Variants in COL27A1 observed in about 807,000 individuals in gnomAD.
COL27A1 encodes the protein collagen alpha-1(XXVII) chain.
In COL27A1, 106 loss-of-function variants were observed where a neutral mutation model predicts 251.3. That is an observed-to-expected ratio of 0.42 (90% CI 0.36 to 0.50). COL27A1 has a LOEUF of 0.50. COL27A1 is among the 20% of genes least tolerant of loss of function. The pLI is 0.00. For synonymous variants in COL27A1, 1,000 were observed against 986.3 expected (o/e 1.01, Z -0.26); for missense variants, 2,325 against 2,522.8 (o/e 0.92, Z 1.68).
At chr9:114,304,904 G>C (rs944457650) in intron 57 of COL27A1, among the ~76,000 whole-genome samples, 13 of 152,226 alleles carry the variant, frequency 8.5e-5, no homozygotes, top group African/African-American at 2.2e-4. Flanking sequence ...AACAGGCCCT[G>C]AACCCTTGAG....
Position 114,198,921 on chromosome 9 carries a change from A to G in COL27A1, c.2124+2909A>G, listed in dbSNP as rs60352376. Among the ~76,000 whole-genome samples, 356 of 152,274 alleles carry G rather than the reference A, an allele frequency of 2.3e-3. 6 individuals are homozygous for G. The highest frequency in any genetic ancestry group is 5.9e-3 in the African/African-American group (244 of 41,548). ...TGGTTGGGAGGATTAAATGAGATGT[A>G]ATATCCCTGCCCTCAGCACAGGGCT... On this transcript the variant is annotated intron_variant, in intron 7 of 60. Transcript: ENST00000356083.
intron 39 of COL27A1, among the ~76,000 whole-genome samples, chr9:114,283,080 G>A (rs939821268): frequency 2.0e-5 from 3 of 152,208 alleles, no homozygotes; most frequent in Admixed American, 6.5e-5. Context: ...AGGGAAGGAG[G>A]CTGAAGAGGG....
In COL27A1 at chr9:114,312,084, G is replaced by T. The variant is rs981075585; in HGVS notation, c.*1389G>T. ...GTGCTACATCAGCGAACAAGTCGGC[G>T]CTTGAATTGGATTTTGAGGTTATTT... On this transcript the variant is annotated 3_prime_UTR_variant, in exon 61 of 61. Coordinates refer to ENST00000356083, the MANE Select transcript of COL27A1 (RefSeq NM_032888.4). 6.6e-6 allele frequency: 1 copy of T among 152,190 alleles called. No individual in the cohort carries two copies. The highest frequency in any genetic ancestry group is 1.5e-5 in the Non-Finnish European group (1 of 68,038). The allele number at this position is 152,190 out of a possible 1,614,324, so 9.4% of individuals were successfully genotyped here. A position where few individuals can be genotyped will look rare whatever the true frequency, so the allele number is the denominator to read the frequency against.
Position 114,300,656 on chromosome 9 carries a change from T to G in COL27A1, c.4670T>G (p.Ile1557Ser). The change falls in exon 51 of 61, where the codon ATC becomes AGC. Residue 1557 changes from isoleucine (I) to serine (S), a missense_variant. Ile to Ser is a moderately radical substitution (Grantham distance 142, BLOSUM62 -2). Coordinates refer to ENST00000356083, the MANE Select transcript of COL27A1 (RefSeq NM_032888.4). ...GPPGDIGFKG[I>S]QGPRGPPGLM... ...CCTGGAGACATTGGCTTCAAAGGCA[T>G]CCAGGGCCCTCGGGGGCCACCTGGC... is the stretch of plus-strand genomic sequence containing the variant. The G allele has an allele frequency of 6.6e-7, 1 of 1,520,548 alleles. No homozygotes were observed. The highest frequency in any genetic ancestry group is 8.8e-7 in the Non-Finnish European group (1 of 1,137,680). The allele number at this position is 1,520,548 out of a possible 1,614,324, so 94.2% of individuals were successfully genotyped here.
intron 21 of COL27A1, 144 bp downstream of exon 21, chr9:114,240,631 C>T: frequency 1.4e-6 from 1 of 717,674 alleles, no homozygotes; most frequent in African/African-American, 1.8e-5. Context: ...ACTTACCCAC[C>T]AGCTCATCCT....
At chr9:114,205,959 G>A in intron 9 of COL27A1, 147 bp downstream of exon 9, 1 of 728,188 alleles carries the variant, frequency 1.4e-6, no homozygotes, top group South Asian at 1.8e-5. Context: ...CCAGGGGACT[G>A]GACCAAGGAA....
At chr9:114,240,138 G>A (rs867017153) in intron 19 of COL27A1, 82 bp from the exon 20 acceptor site, 11 of 1,261,366 alleles carry the variant, frequency 8.7e-6, no homozygotes, top group African/African-American at 4.4e-5. Flanking sequence ...ATGGAAACCC[G>A]GTCAGTCTCC....
chr9:114,251,957 G>T (rs115314234), intron 25 of COL27A1, among the ~76,000 whole-genome samples: 41 of 152,292 alleles, frequency 2.7e-4, no homozygotes, highest in African/African-American at 9.6e-4. Context: ...TCAGAGTCTC[G>T]CAGATAGTGT....
chr9:114,277,381 C>T (rs1415514216), intron 37 of COL27A1, among the ~76,000 whole-genome samples: 4 of 152,236 alleles, frequency 2.6e-5, no homozygotes, highest in South Asian at 2.1e-4. Context: ...GTCATTTTCA[C>T]TCTTCATCCC....
At chr9:114,211,652 G>A (rs1830378709) in intron 12 of COL27A1, among the ~76,000 whole-genome samples, 1 of 152,220 alleles carries the variant, frequency 6.6e-6, no homozygotes, top group African/African-American at 2.4e-5. Flanking sequence ...TCACTTGCAC[G>A]ATGAGTAAAC....
At chr9:114,232,250 A>G (rs917513684) in intron 16 of COL27A1, among the ~76,000 whole-genome samples, 3 of 152,186 alleles carry the variant, frequency 2.0e-5, no homozygotes, top group Admixed American at 6.5e-5. Context: ...TCACCCTGGC[A>G]TGAAATTGGA....
chr9:114,258,714 T>C (rs1834116999), intron 28 of COL27A1, 120 bp downstream of exon 28: 2 of 1,040,316 alleles, frequency 1.9e-6, no homozygotes, highest in South Asian at 1.4e-5. Flanking sequence ...TCTGTGACTT[T>C]CATAGCACAA....
At chr9:114,195,498 C>T (rs1473020579) in intron 6 of COL27A1, among the ~76,000 whole-genome samples, 6 of 152,166 alleles carry the variant, frequency 3.9e-5, no homozygotes, top group Admixed American at 3.3e-4. Flanking sequence ...CCCAGGAGCC[C>T]AGGCTTCCCT....
chr9:114,256,856 A>G (rs1833954871), intron 27 of COL27A1, among the ~76,000 whole-genome samples: 1 of 152,186 alleles, frequency 6.6e-6, no homozygotes, highest in African/African-American at 2.4e-5. Context: ...CTATGCCTTG[A>G]TGTAGAGACT....
chr9:114,207,040 C>A (rs1588660130), intron 10 of COL27A1, among the ~76,000 whole-genome samples: 1 of 152,082 alleles, frequency 6.6e-6, no homozygotes, highest in African/African-American at 2.4e-5. Flanking sequence ...CATGGCGGGG[C>A]CTGGATGGCC....
chr9:114,165,880 A>G (rs1848808688), intron 2 of COL27A1, among the ~76,000 whole-genome samples: 1 of 149,600 alleles, frequency 6.7e-6, no homozygotes, highest in Non-Finnish European at 1.5e-5. Flanking sequence ...CCATCCACCA[A>G]TTCATCTACC....
rs1849040278 is a variant in COL27A1, at chr9:114,168,226, T to C, written c.671T>C (p.Val224Ala). 1 of 1,613,872 alleles carries C rather than the reference T, an allele frequency of 6.2e-7. No individual in the cohort carries two copies. Among genetic ancestry groups the C allele is most frequent in the Non-Finnish European group, 8.5e-7 (1 of 1,180,032 alleles). ...CQFSIYPVTQ[V>A]AHNYCTHLRK... ...TTCAGTATCTACCCTGTGACGCAGG[T>C]CGCTCACAATTACTGTACCCACCTG... is the stretch of plus-strand genomic sequence containing the variant. Residue 224 changes from valine (V) to alanine (A), a missense_variant, in exon 3 of 61, where the codon GTC (valine) becomes GCC (alanine). This residue lies in a region of COL27A1 where 1,183 missense variants were observed against 1,144.1 expected (regional missense o/e 1.03). Coordinates refer to ENST00000356083, the MANE Select transcript of COL27A1 (RefSeq NM_032888.4).
In COL27A1 at chr9:114,244,647, G is replaced by C. The variant is rs1275661668; in HGVS notation, c.2934+1087G>C. 2.0e-5 allele frequency among the ~76,000 whole-genome samples: 3 copies of C among 152,332 alleles called. No homozygotes were observed. The East Asian group carries it at 5.8e-4, about 29-fold the overall frequency. On this transcript the variant is annotated intron_variant, in intron 23 of 60. Transcript: ENST00000356083. ...CCACTTATCTGTCCTGGCCCCTCTA[G>C]TTTTCATGAGGTCCAGGGAGGAGCC... is the stretch of plus-strand genomic sequence containing the variant.
chr9:114,266,827 C>T (rs1834778452), intron 33 of COL27A1, among the ~76,000 whole-genome samples: 1 of 152,120 alleles, frequency 6.6e-6, no homozygotes, highest in Admixed American at 6.5e-5. Context: ...GGCTCCTAGT[C>T]CAGGGGCATT....
Sources: gnomAD v4.1 joint callset for allele counts (sites outside exome capture counted in the v4.1 genomes callset) on GRCh38, gnomAD v4.1.1 for gene constraint, gnomAD v4.1.1 regional missense constraint, MANE v1.5 for transcripts, NCBI Gene and HGNC (gene_info 2026-07-23, HGNC 2026-07-21) for gene names.